The following ARHGEF7 variants were observed in gnomAD, a reference collection of about 807,000 sequenced individuals.
The protein encoded by ARHGEF7 is PAK-interacting exchange factor beta.
ARHGEF7 carries 33 observed loss-of-function variants against 109.8 expected under a neutral mutation model. The ratio of observed to expected loss-of-function variants is 0.30; its 90% CI spans 0.23 to 0.40. The LOEUF (loss-of-function observed/expected upper bound fraction) is 0.40, where lower values mean the gene tolerates loss of function less well. Among genes scored for constraint, ARHGEF7 ranks in the 10% least tolerant of loss-of-function variants. The pLI, the probability that ARHGEF7 is intolerant of heterozygous loss-of-function variation, is 1.00. For missense variants in ARHGEF7, 938 were observed against 1,098.5 expected (o/e 0.85, Z 2.07); for synonymous variants, 458 against 424.6 (o/e 1.08, Z -0.97).
At chr13:111,244,920 G>T (rs2088515807) in intron 8 of ARHGEF7, among the ~76,000 whole-genome samples, 1 of 152,198 alleles carries the variant, frequency 6.6e-6, no homozygotes, top group Admixed American at 6.5e-5. Context: ...AGCACTTTCT[G>T]CATCCTGCTG....
At chr13:111,265,145 A>AAAAG (rs1555392424) in intron 8 of ARHGEF7, among the ~76,000 whole-genome samples, 3 of 150,290 alleles carry the variant, frequency 2.0e-5, no homozygotes, top group African/African-American at 7.5e-5. Flanking sequence ...AAAAAAAAAA[A>AAAAG]AAGAAGACCC....
Position 111,280,414 on chromosome 13 carries a change from C to G in ARHGEF7, c.1585+64C>G, listed in dbSNP as rs187111519. ...AGGAGAGGCAGCTTGTCCCCGCGTG[C>G]AGATTCTTGCTTGCGTATTTCAGAA... On this transcript the variant is annotated intron_variant, in intron 14 of 21. Transcript: ENST00000646102. 42 of 1,585,758 alleles carry G rather than the reference C, an allele frequency of 2.6e-5. 1 individual carries two copies. The African/African-American group carries it at 4.7e-4, about 18-fold the overall frequency.
chr13:111,280,419 TCTTG>T (rs2153606618), intron 14 of ARHGEF7, 69 bp downstream of exon 14: 4 of 1,585,342 alleles, frequency 2.5e-6, no homozygotes, highest in Non-Finnish European at 3.5e-6. Flanking sequence ...GCGTGCAGAT[TCTTG>T]CTTGCGTATT....
rs201506345 is a variant in ARHGEF7, at chr13:111,132,566, A to ATGT, written c.165+16876_165+16877insGTT. Among the ~76,000 whole-genome samples, 91 of 152,334 alleles carry ATGT rather than the reference A, an allele frequency of 6.0e-4. 2 individuals are homozygous for ATGT. In the East Asian group the frequency reaches 0.016, roughly 27 times the overall value. On this transcript the variant is annotated intron_variant, in intron 1 of 21. Coordinates refer to ENST00000646102, the MANE Select transcript of ARHGEF7 (RefSeq NM_001354046.2). Reference sequence around the variant, plus strand: ...GACTATTGTTGTGAGAATGTTATGAATACACTTGTGTCTCTCCTGGGATTG... The same window carrying ATGT: ...GACTATTGTTGTGAGAATGTTATGAATGTTACACTTGTGTCTCTCCTGGGATTG...
chr13:111,203,905 TGGATGCTGGTGCACGTCTCCATTC>T (rs2081466187), intron 2 of ARHGEF7, among the ~76,000 whole-genome samples: 1 of 152,236 alleles, frequency 6.6e-6, no homozygotes, highest in South Asian at 2.1e-4. Flanking sequence ...GGTGGCTGGT[TGGATGCTGGTGCACGTCTCCATTC>T]GGATGCCTTT....
intron 1 of ARHGEF7, among the ~76,000 whole-genome samples, chr13:111,133,947 C>T (rs1486477012): frequency 1.3e-5 from 2 of 149,824 alleles, no homozygotes; most frequent in Admixed American, 6.7e-5. Context: ...TGCTATCCCT[C>T]CCTCCTCCCC....
chr13:111,170,137 C>G (rs145409332), intron 2 of ARHGEF7, among the ~76,000 whole-genome samples: 1 of 152,240 alleles, frequency 6.6e-6, no homozygotes, highest in African/African-American at 2.4e-5. Context: ...TTGCTCTGTT[C>G]TCCCTGCTGG....
At chr13:111,176,246 C>T (rs1309879513) in intron 2 of ARHGEF7, among the ~76,000 whole-genome samples, 1 of 152,178 alleles carries the variant, frequency 6.6e-6, no homozygotes, top group African/African-American at 2.4e-5. Flanking sequence ...GGATTTTAAG[C>T]CTGATCTTTT....
intron 2 of ARHGEF7, among the ~76,000 whole-genome samples, chr13:111,168,122 C>T (rs1566688068): frequency 6.6e-6 from 1 of 152,142 alleles, no homozygotes; most frequent in Non-Finnish European, 1.5e-5. Flanking sequence ...CCTGGCTTAC[C>T]TAGGTTTTTC....
intron 8 of ARHGEF7, among the ~76,000 whole-genome samples, chr13:111,245,442 G>A (rs192619590): frequency 1.3e-5 from 2 of 151,952 alleles, no homozygotes; most frequent in Non-Finnish European, 2.9e-5. Context: ...TTTGATTCTC[G>A]CTCAGCTCAT....
chr13:111,283,427 C>T (rs2092875702), intron 16 of ARHGEF7, 64 bp downstream of exon 16: 2 of 1,514,558 alleles, frequency 1.3e-6, no homozygotes, highest in Non-Finnish European at 1.8e-6. Flanking sequence ...CCTGGGTGTG[C>T]CCACGTGCTG....
rs1357289419 is a variant in ARHGEF7, at chr13:111,303,730, C to G, written c.*617C>G. ...TCTTCTCTTAAAGCAGCATTACAGT[C>G]CCAGACCTGCGGGTTTCTGAGGGCA... On this transcript the variant is annotated 3_prime_UTR_variant, in exon 22 of 22. Transcript: ENST00000646102. 1.3e-5 allele frequency: 2 copies of G among 152,230 alleles called. No individual in the cohort carries two copies. The highest frequency in any genetic ancestry group is 4.8e-5 in the African/African-American group (2 of 41,436). 9.4% of individuals were successfully genotyped at this position (152,230 alleles called of 1,614,324 possible).
At chr13:111,247,245 A>G (rs1436038561) in intron 8 of ARHGEF7, among the ~76,000 whole-genome samples, 1 of 151,252 alleles carries the variant, frequency 6.6e-6, no homozygotes, top group Non-Finnish European at 1.5e-5. Flanking sequence ...ACCAAATGCC[A>G]TATATATGTA....
intron 1 of ARHGEF7, chr13:111,153,560 AGGGT>A: frequency 1.0e-6 from 1 of 984,224 alleles, no homozygotes; most frequent in South Asian, 2.9e-5. Flanking sequence ...CCGGCAAAGC[AGGGT>A]GGGCTGCGTC....
At chr13:111,114,849 G>C (rs1396729352), upstream of ARHGEF7, 1 of 152,198 alleles carries the variant, frequency 6.6e-6, no homozygotes, top group Non-Finnish European at 1.5e-5. Context: ...CATCATTTCT[G>C]TTCCGTCATG....
intron 6 of ARHGEF7, chr13:111,241,318 G>A (rs766255685): frequency 7.9e-5 from 122 of 1,536,064 alleles, no homozygotes; most frequent in Middle Eastern, 1.7e-4. Context: ...TGCAGAAGAC[G>A]AGGAGGGGAA....
At chr13:111,281,815 A>G (rs997219362) in intron 15 of ARHGEF7, among the ~76,000 whole-genome samples, 4 of 152,218 alleles carry the variant, frequency 2.6e-5, no homozygotes, top group African/African-American at 9.6e-5. Context: ...CTGGGAAGGC[A>G]TCCCTTCAGC....
intron 2 of ARHGEF7, among the ~76,000 whole-genome samples, chr13:111,199,205 T>A (rs1050534461): frequency 6.6e-6 from 1 of 152,158 alleles, no homozygotes; most frequent in Admixed American, 6.5e-5. Context: ...AGACTCCTCC[T>A]CGAAGGGCAG....
intron 2 of ARHGEF7, among the ~76,000 whole-genome samples, chr13:111,204,301 G>T (rs987149881): frequency 6.6e-6 from 1 of 152,210 alleles, no homozygotes; most frequent in African/African-American, 2.4e-5. Context: ...CTTATTTCCG[G>T]TAATCTCAGT....
Sources: allele counts gnomAD v4.1 joint callset (sites outside exome capture counted in the v4.1 genomes callset), GRCh38; gene constraint gnomAD v4.1.1; transcripts MANE v1.5; gene names NCBI Gene and HGNC (gene_info 2026-07-23, HGNC 2026-07-21).